Variants in KYNU observed in about 807,000 individuals in gnomAD.
The protein encoded by KYNU is kynureninase.
In KYNU, 54 loss-of-function variants were observed where a neutral mutation model predicts 59.2. The ratio of observed to expected loss-of-function variants is 0.91; its 90% CI spans 0.73 to 1.14. The LOEUF (loss-of-function observed/expected upper bound fraction) is 1.14. Ranked by LOEUF, KYNU falls within the 50% of genes most tolerant of loss-of-function variation. KYNU has a pLI of 0.00. For synonymous variants in KYNU, 177 were observed against 192.0 expected, an observed-to-expected ratio of 0.92 and a Z score of 0.65; for missense variants, 567 against 554.4, an observed-to-expected ratio of 1.02 and a Z score of -0.23.
chr2:142,948,482 A>G (rs1683873883), intron 4 of KYNU, among the ~76,000 whole-genome samples: 1 of 152,260 alleles, frequency 6.6e-6, no homozygotes, highest in African/African-American at 2.4e-5. Context: ...TTAATGGAGA[A>G]CTCATAGTTG....
intron 4 of KYNU, among the ~76,000 whole-genome samples, chr2:142,937,694 G>A (rs1683437886): frequency 6.6e-6 from 1 of 152,210 alleles, no homozygotes; most frequent in African/African-American, 2.4e-5. Flanking sequence ...GTACAGCCCA[G>A]CATTTACCTT....
chr2:142,991,450 A>G (rs1392887219), intron 10 of KYNU, among the ~76,000 whole-genome samples: 1 of 151,890 alleles, frequency 6.6e-6, no homozygotes, highest in South Asian at 2.1e-4. Flanking sequence ...GTGAGTTTTT[A>G]TAGAATCCCC....
chr2:143,031,629 C>T (rs1009015516), intron 11 of KYNU, among the ~76,000 whole-genome samples: 7 of 151,930 alleles, frequency 4.6e-5, no homozygotes, highest in Admixed American at 1.3e-4. Flanking sequence ...GAGCCTGAGG[C>T]GGGAAGATCA....
At chr2:142,971,310 G>T (rs1023601620) in intron 8 of KYNU, 1 of 94,294 alleles carries the variant, frequency 1.1e-5, no homozygotes, top group African/African-American at 7.2e-5. Context: ...ACAACATTAT[G>T]TGTGTGTGTG....
In KYNU at chr2:143,047,644, C is replaced by CA. The variant is rs1248588198; in HGVS notation, c.*5475dup. 6.6e-6 allele frequency: 1 copy of CA among 151,964 alleles called. No homozygotes were observed. The allele number at this position is 151,964 out of a possible 1,614,324, so 9.4% of individuals were successfully genotyped here. A position where few individuals can be genotyped will look rare whatever the true frequency, so the allele number is the denominator to read the frequency against. On this transcript the variant is annotated 3_prime_UTR_variant, in exon 14 of 14. Coordinates refer to ENST00000264170, the MANE Select transcript of KYNU (RefSeq NM_003937.3). ...TCATAGCTCACTGCAACCTCCAACTCAAACACTTGAGTGATCCTCTGTCCC... is the reference window on the plus strand; with the variant it reads ...TCATAGCTCACTGCAACCTCCAACTCAAAACACTTGAGTGATCCTCTGTCCC...
Position 143,042,332 on chromosome 2 carries a change from T to A in KYNU, c.*160T>A. ...GAAAATCTGATATAATTTTTCAGAGTCTGTGGCACTAAGGAGTCCACAGGG... is the reference window on the plus strand; with the variant it reads ...GAAAATCTGATATAATTTTTCAGAGACTGTGGCACTAAGGAGTCCACAGGG... On this transcript the variant is annotated 3_prime_UTR_variant, in exon 14 of 14. Coordinates refer to ENST00000264170, the MANE Select transcript of KYNU (RefSeq NM_003937.3). 1 of 783,336 alleles carries A rather than the reference T, an allele frequency of 1.3e-6. No homozygotes were observed. Among genetic ancestry groups the A allele is most frequent in the Non-Finnish European group, 2.0e-6 (1 of 504,800 alleles). The allele number at this position is 783,336 out of a possible 1,614,324, so 48.5% of individuals were successfully genotyped here. A position where few individuals can be genotyped will look rare whatever the true frequency, so the allele number is the denominator to read the frequency against.
intron 8 of KYNU, chr2:142,971,118 A>G (rs1437917050): frequency 2.6e-5 from 4 of 152,184 alleles, no homozygotes; most frequent in Non-Finnish European, 4.4e-5. Context: ...CCTGGTTTCA[A>G]ATATCTTCCA....
intron 10 of KYNU, among the ~76,000 whole-genome samples, chr2:142,991,860 C>G (rs947837071): frequency 6.6e-6 from 1 of 151,828 alleles, no homozygotes; most frequent in Admixed American, 6.6e-5. Context: ...TTATTTTCAT[C>G]TGATTGCAAA....
At chr2:142,916,305 A>T (rs1682666257) in intron 2 of KYNU, among the ~76,000 whole-genome samples, 1 of 152,086 alleles carries the variant, frequency 6.6e-6, no homozygotes, top group Non-Finnish European at 1.5e-5. Flanking sequence ...TTGAAGTGTG[A>T]CCCTAAGACA....
At chr2:142,997,914 A>C (rs1337498043) in intron 10 of KYNU, among the ~76,000 whole-genome samples, 1 of 152,178 alleles carries the variant, frequency 6.6e-6, no homozygotes, top group East Asian at 1.9e-4. Flanking sequence ...AATCATATTC[A>C]CTAGATCCCC....
chr2:142,904,326 T>A (rs1361494274), intron 2 of KYNU, among the ~76,000 whole-genome samples: 2 of 152,202 alleles, frequency 1.3e-5, no homozygotes, highest in African/African-American at 4.8e-5. Flanking sequence ...GTGGCACCAA[T>A]TCCATGTTCT....
intron 4 of KYNU, among the ~76,000 whole-genome samples, chr2:142,953,420 G>C (rs1341684724): frequency 6.6e-6 from 1 of 152,190 alleles, no homozygotes; most frequent in Non-Finnish European, 1.5e-5. Context: ...CAACATGGCA[G>C]ATTAACACCC....
chr2:143,007,077 G>T (rs1685931594), intron 10 of KYNU, among the ~76,000 whole-genome samples: 1 of 152,114 alleles, frequency 6.6e-6, no homozygotes, highest in Admixed American at 6.5e-5. Flanking sequence ...GACGAGCTGA[G>T]AGAAGAAGGC....
At chr2:143,005,122 G>T (rs1229668540) in intron 10 of KYNU, among the ~76,000 whole-genome samples, 1 of 152,206 alleles carries the variant, frequency 6.6e-6, no homozygotes, top group African/African-American at 2.4e-5. Context: ...CCCTGTAGTG[G>T]AGATGTGAGG....
At chr2:142,959,137 A>G (rs1684259786) in intron 7 of KYNU, among the ~76,000 whole-genome samples, 1 of 152,172 alleles carries the variant, frequency 6.6e-6, no homozygotes, top group Non-Finnish European at 1.5e-5. Flanking sequence ...TCACACACAC[A>G]CACACGTACT....
chr2:142,939,140 C>T (rs1399117890), intron 4 of KYNU, among the ~76,000 whole-genome samples: 1 of 151,600 alleles, frequency 6.6e-6, no homozygotes, highest in African/African-American at 2.4e-5. Flanking sequence ...AGACTAAGAC[C>T]CTGTCTCAAA....
At chr2:143,005,477 ATG>A (rs2105191930) in intron 10 of KYNU, among the ~76,000 whole-genome samples, 1 of 117,260 alleles carries the variant, frequency 8.5e-6, no homozygotes, top group East Asian at 3.4e-4. Flanking sequence ...AACAAGTCAC[ATG>A]TGCATCTATA....
rs180957833 is a variant in KYNU at position 142,957,626 on chromosome 2, A to C, written c.508-15A>C. On this transcript the variant is annotated splice_polypyrimidine_tract_variant and intron_variant, in intron 6 of 13. Transcript: ENST00000264170. ...CTCAGCTTGATTTGATAAATACATCATCTTTCCTTTTTAGTATGCTATTGA... is the reference window on the plus strand; with the variant it reads ...CTCAGCTTGATTTGATAAATACATCCTCTTTCCTTTTTAGTATGCTATTGA... 71 of 1,511,152 alleles carry C rather than the reference A, an allele frequency of 4.7e-5. No homozygotes were observed. Among genetic ancestry groups the C allele is most frequent in the Non-Finnish European group, 6.3e-5 (68 of 1,086,796 alleles). The allele number at this position is 1,511,152 out of a possible 1,614,324, so 93.6% of individuals were successfully genotyped here. A position where few individuals can be genotyped will look rare whatever the true frequency, so the allele number is the denominator to read the frequency against.
intron 8 of KYNU, among the ~76,000 whole-genome samples, chr2:142,976,857 G>T (rs1412179779): frequency 1.3e-5 from 2 of 152,264 alleles, no homozygotes; most frequent in East Asian, 3.9e-4. Context: ...ATCTGGAAGG[G>T]AAAGACAACT....
Sources: allele counts gnomAD v4.1 joint callset (sites outside exome capture counted in the v4.1 genomes callset), GRCh38; gene constraint gnomAD v4.1.1; transcripts MANE v1.5; gene names NCBI Gene and HGNC (gene_info 2026-07-23, HGNC 2026-07-21).